Variants in PLD1 observed in about 807,000 individuals in gnomAD.
The protein encoded by PLD1 is choline phosphatase 1.
In PLD1, 112 loss-of-function variants were observed where a neutral mutation model predicts 137.1. That is an observed-to-expected ratio of 0.82 (90% CI 0.70 to 0.96). The LOEUF is 0.96. Among genes scored for constraint, PLD1 ranks in the 40% least tolerant of loss-of-function variants. The probability of loss-of-function intolerance (pLI) is 0.00; values close to 1 mark genes in which losing one functional copy is unlikely to be tolerated. For missense variants in PLD1, 1,321 were observed against 1,342.0 expected (o/e 0.98, Z 0.24); for synonymous variants, 431 against 454.7 (o/e 0.95, Z 0.66).
Position 171,662,108 on chromosome 3 carries a change from G to A in PLD1, c.2292C>T (p.Ala764=), listed in dbSNP as rs145015377. Residue 764 remains alanine, a synonymous_variant, in exon 20 of 27, where the codon GCC becomes GCT. Coordinates refer to ENST00000351298, the MANE Select transcript of PLD1 (RefSeq NM_002662.5). ...TGTTCTCTATCACATGGACGTAAGC[G>A]GCGTGGATGGACTCTTCATGGTACT... ...GIKYHEESIH[A]AYVHVIENSR... is the part of the protein sequence containing the mutation. 501 of 1,613,428 alleles carry A rather than the reference G, an allele frequency of 3.1e-4. 3 individuals carry two copies. The highest frequency in any genetic ancestry group is 2.0e-3 in the South Asian group (179 of 91,040).
At chr3:171,621,067 G>T (rs2108296718) in intron 23 of PLD1, among the ~76,000 whole-genome samples, 2 of 151,890 alleles carry the variant, frequency 1.3e-5, no homozygotes, top group African/African-American at 4.8e-5. Context: ...CAGACTTTGG[G>T]TAAATAAAAA....
chr3:171,715,044 C>T (rs1344337932), intron 8 of PLD1, among the ~76,000 whole-genome samples: 1 of 152,182 alleles, frequency 6.6e-6, no homozygotes, highest in Non-Finnish European at 1.5e-5. Context: ...TGGGACCTAA[C>T]ATGATACAAC....
intron 1 of PLD1, among the ~76,000 whole-genome samples, chr3:171,764,878 A>AGGAAGGAAGGAAGGAAAG (rs1491270656): frequency 4.7e-5 from 1 of 21,238 alleles, no homozygotes; most frequent in Admixed American, 5.7e-4. Flanking sequence ...AAAGAAAGAA[A>AGGAAGGAAGGAAGGAAAG]GAAAGAAAGA....
At chr3:171,631,577 G>A (rs745316543) in intron 23 of PLD1, among the ~76,000 whole-genome samples, 1 of 152,098 alleles carries the variant, frequency 6.6e-6, no homozygotes, top group Non-Finnish European at 1.5e-5. Flanking sequence ...TTGAAGAAAT[G>A]GCTGATTGCA....
At chr3:171,688,225 A>G (rs1406940678) in intron 14 of PLD1, among the ~76,000 whole-genome samples, 3 of 152,206 alleles carry the variant, frequency 2.0e-5, no homozygotes, top group African/African-American at 7.2e-5. Context: ...CTTCTGGCTC[A>G]AATTCCCTCT....
intron 9 of PLD1, 147 bp downstream of exon 9, chr3:171,713,746 A>G (rs896442121): frequency 3.1e-6 from 2 of 649,802 alleles, no homozygotes; most frequent in African/African-American, 3.7e-5. Context: ...TACAAGGAAA[A>G]AAGTGGTTTC....
At chr3:171,786,389 C>G (rs897463731) in intron 1 of PLD1, among the ~76,000 whole-genome samples, 1 of 152,146 alleles carries the variant, frequency 6.6e-6, no homozygotes, top group African/African-American at 2.4e-5. Context: ...AACCAAGGAG[C>G]AGCCACCCTC....
intron 1 of PLD1, chr3:171,809,154 A>T (rs1027461972): frequency 1.3e-5 from 2 of 152,162 alleles, no homozygotes; most frequent in African/African-American, 4.8e-5. Flanking sequence ...TGGATTGTTA[A>T]CTGTACTGGT....
rs189433624 is a variant in PLD1, at chr3:171,800,661, C to T, written c.-32+9738G>A. 1.2e-3 allele frequency among the ~76,000 whole-genome samples: 179 copies of T among 152,346 alleles called. No homozygotes were observed. The Middle Eastern group carries it at 0.014, about 12-fold the overall frequency. On this transcript the variant is annotated intron_variant, in intron 1 of 26. Transcript: ENST00000351298. ...AATGCCAGCCACCTGTCTTAGTCCACTCAGGCTACTGTAACAAAATACCAT... is the reference window on the plus strand; with the variant it reads ...AATGCCAGCCACCTGTCTTAGTCCATTCAGGCTACTGTAACAAAATACCAT...
intron 8 of PLD1, among the ~76,000 whole-genome samples, chr3:171,719,419 GA>G (rs1203573789): frequency 1.3e-5 from 2 of 152,194 alleles, no homozygotes; most frequent in Non-Finnish European, 2.9e-5. Context: ...TCAATGCCTA[GA>G]ACTATCTTCT....
chr3:171,692,071 C>T (rs552211347), intron 13 of PLD1, among the ~76,000 whole-genome samples: 2 of 152,254 alleles, frequency 1.3e-5, no homozygotes, highest in South Asian at 4.1e-4. Context: ...ATCAAAACAA[C>T]TGCAGGAAAC....
chr3:171,701,902 A>C (rs1332981820), intron 11 of PLD1, among the ~76,000 whole-genome samples: 1 of 152,218 alleles, frequency 6.6e-6, no homozygotes, highest in African/African-American at 2.4e-5. Context: ...GATTGCGGAG[A>C]TATTAAGACG....
At chr3:171,652,650 G>A (rs1179781603) in intron 21 of PLD1, among the ~76,000 whole-genome samples, 2 of 151,404 alleles carry the variant, frequency 1.3e-5, no homozygotes, top group East Asian at 1.9e-4. Flanking sequence ...TACCCAGGCT[G>A]GAGTGCAGTG....
At chr3:171,779,895 T>G (rs537478562) in intron 1 of PLD1, among the ~76,000 whole-genome samples, 47 of 151,854 alleles carry the variant, frequency 3.1e-4, no homozygotes, top group Non-Finnish European at 5.7e-4. Context: ...GGGGTTTGTA[T>G]ACGTAAGTCT....
At chr3:171,646,405 A>T (rs913472200) in intron 21 of PLD1, among the ~76,000 whole-genome samples, 4 of 152,304 alleles carry the variant, frequency 2.6e-5, no homozygotes, top group African/African-American at 9.6e-5. Flanking sequence ...TGATGTCTCT[A>T]AAGTCGATGT....
At chr3:171,690,460 A>T (rs1193509097) in intron 13 of PLD1, among the ~76,000 whole-genome samples, 4 of 150,440 alleles carry the variant, frequency 2.7e-5, no homozygotes, top group Non-Finnish European at 5.9e-5. Flanking sequence ...TTATTTTGAG[A>T]TCTTTCTTCT....
rs1306931224 is a variant in PLD1, at chr3:171,612,713, A to G, written c.2729-281T>C. Among the ~76,000 whole-genome samples the G allele has an allele frequency of 6.6e-6, 1 of 152,180 alleles. No homozygotes were observed. Among genetic ancestry groups the G allele is most frequent in the Non-Finnish European group, 1.5e-5 (1 of 68,032 alleles). On this transcript the variant is annotated intron_variant, in intron 24 of 26. Transcript: ENST00000351298. The surrounding 1 kb of genome is among the most constrained non-coding windows in gnomAD (Gnocchi z 4.1). ...GTGACATGAAGGAAAGCTTCTGAGA[A>G]AGAGTTTCCCCTTTGTATAAACACA...
intron 23 of PLD1, among the ~76,000 whole-genome samples, chr3:171,639,470 T>A (rs1243906312): frequency 1.6e-5 from 2 of 121,218 alleles, no homozygotes; most frequent in Admixed American, 1.9e-4. Flanking sequence ...TATAATATAT[T>A]CATTTTTAAT....
At chr3:171,718,860 G>T (rs1226482200) in intron 8 of PLD1, among the ~76,000 whole-genome samples, 1 of 152,160 alleles carries the variant, frequency 6.6e-6, no homozygotes, top group Admixed American at 6.5e-5. Flanking sequence ...TCATGCACAT[G>T]CTTAGCACAG....
Sources: allele counts gnomAD v4.1 joint callset (sites outside exome capture counted in the v4.1 genomes callset), GRCh38; gene constraint gnomAD v4.1.1; non-coding constraint Gnocchi (gnomAD v3.1); transcripts MANE v1.5; gene names NCBI Gene and HGNC (gene_info 2026-07-23, HGNC 2026-07-21).